The following CRYL1 variants were observed in gnomAD, a reference collection of about 807,000 sequenced individuals.
The protein encoded by CRYL1 is crystallin lambda 1.
A neutral mutation model predicts 36.6 loss-of-function variants in CRYL1; 29 were observed. That is an observed-to-expected ratio of 0.79 (90% confidence interval 0.59 to 1.08). The LOEUF is 1.08. Ranked by LOEUF, CRYL1 falls within the 50% of genes least tolerant of loss-of-function variation. The pLI is 0.00. For synonymous variants in CRYL1, 152 were observed against 151.5 expected (o/e 1.00, Z -0.02); for missense variants, 411 against 407.9 (o/e 1.01, Z -0.06).
In CRYL1 at chr13:20,415,175, G is replaced by A; in HGVS notation, c.634-1788C>T. ...AGGCTTGCGGGTAGAGCCTGTCTTT[G>A]CCCAGAAGGCCGTCTCCAAGCTGGG... On this transcript the variant is annotated intron_variant, in intron 5 of 7. Coordinates refer to ENST00000298248, the MANE Select transcript of CRYL1 (RefSeq NM_015974.3). The surrounding 1 kb of genome is among the most constrained non-coding windows in gnomAD (Gnocchi z 4.1). Among the ~76,000 whole-genome samples, 1 of 152,170 alleles carries A rather than the reference G, an allele frequency of 6.6e-6. No individual in the cohort carries two copies. The highest frequency in any genetic ancestry group is 1.9e-4 in the East Asian group (1 of 5,190).
chr13:20,404,962 T>G (rs1453809381), intron 6 of CRYL1, among the ~76,000 whole-genome samples: 1 of 151,664 alleles, frequency 6.6e-6, no homozygotes, highest in Non-Finnish European at 1.5e-5. Flanking sequence ...CTCCTGGGGG[T>G]TCGAATGCCA....
intron 5 of CRYL1, among the ~76,000 whole-genome samples, chr13:20,423,647 T>C (rs929118936): frequency 5.3e-5 from 8 of 151,924 alleles, no homozygotes; most frequent in African/African-American, 1.7e-4. Context: ...CATTTTAATG[T>C]GCTATTGAAT....
rs9315667 is a variant in CRYL1 at position 20,525,689 on chromosome 13, A to C, written c.41+65T>G. The C allele has an allele frequency of 0.2, 249,599 of 1,272,828 alleles. 26,500 individuals carry two copies. The highest frequency in any genetic ancestry group is 0.33 in the African/African-American group (21,175 of 64,144). The allele number at this position is 1,272,828 out of a possible 1,614,324, so 78.8% of individuals were successfully genotyped here. ...GCGCCCACCCCGAGGGCCCCACGCG[A>C]GGGCACCACGTCCCCGGCGTCTCCC... On this transcript the variant is annotated intron_variant, in intron 1 of 7. Transcript: ENST00000298248. The surrounding 1 kb of genome is among the most constrained non-coding windows in gnomAD (Gnocchi z 4.3).
At chr13:20,465,392 A>C (rs1230746712) in intron 3 of CRYL1, among the ~76,000 whole-genome samples, 4 of 152,214 alleles carry the variant, frequency 2.6e-5, no homozygotes, top group Non-Finnish European at 4.4e-5. Context: ...AACTTTAAGC[A>C]ATGAACCGAA....
chr13:20,525,726 G>A lies in CRYL1; in HGVS notation c.41+28C>T, dbSNP rs1197934610. 1 of 1,346,096 alleles carries A rather than the reference G, an allele frequency of 7.4e-7. No individual in the cohort carries two copies. Among genetic ancestry groups the A allele is most frequent in the Non-Finnish European group, 9.6e-7 (1 of 1,044,662 alleles). 83.4% of individuals were successfully genotyped at this position (1,346,096 alleles called of 1,614,324 possible). Reference sequence around the variant, plus strand: ...CCCCGGCGTCTCCCCGGGCTCCAGGGGCAGCAGCGCGGCTCGGAGCCCTTT... The same window carrying A: ...CCCCGGCGTCTCCCCGGGCTCCAGGAGCAGCAGCGCGGCTCGGAGCCCTTT... On this transcript the variant is annotated intron_variant, in intron 1 of 7. Transcript: ENST00000298248. The surrounding 1 kb of genome is among the most constrained non-coding windows in gnomAD (Gnocchi z 4.3).
At chr13:20,519,755 A>C (rs1177140328) in intron 1 of CRYL1, among the ~76,000 whole-genome samples, 1 of 152,214 alleles carries the variant, frequency 6.6e-6, no homozygotes, top group Admixed American at 6.5e-5. Flanking sequence ...AGATTGAAAG[A>C]GCTAAGAATC....
chr13:20,427,286 C>T, intron 5 of CRYL1: 4 of 985,426 alleles, frequency 4.1e-6, no homozygotes, highest in Non-Finnish European at 4.8e-6. Context: ...AGGGCTGCTT[C>T]ATCCCAAAAC....
At chr13:20,518,264 T>G (rs956543017) in intron 1 of CRYL1, among the ~76,000 whole-genome samples, 1 of 151,986 alleles carries the variant, frequency 6.6e-6, no homozygotes, top group East Asian at 1.9e-4. Context: ...GCAAAAGCAC[T>G]TGGGAGAAAG....
intron 5 of CRYL1, among the ~76,000 whole-genome samples, chr13:20,426,442 T>C (rs2031936630): frequency 6.6e-6 from 1 of 152,204 alleles, no homozygotes; most frequent in Non-Finnish European, 1.5e-5. Context: ...TCTTTTGGTA[T>C]AACCAGAGGT....
rs762500431 is a variant in CRYL1, at chr13:20,404,592, G to C, written c.846+43C>G. 3.0e-6 allele frequency: 4 copies of C among 1,328,002 alleles called. No homozygotes were observed. The South Asian group carries it at 4.8e-5, about 16-fold the overall frequency. 82.3% of individuals were successfully genotyped at this position (1,328,002 alleles called of 1,614,324 possible). The stretch of plus-strand genomic sequence containing the variant: ...TGAGGGGCAGCAAGTGCTCCAGGTA[G>C]CCAACATGCTTCTCTGCAGTGAGTT... On this transcript the variant is annotated intron_variant, in intron 7 of 7. Transcript: ENST00000298248.
chr13:20,457,086 C>T (rs796324811), intron 3 of CRYL1, among the ~76,000 whole-genome samples: 33 of 152,266 alleles, frequency 2.2e-4, no homozygotes, highest in African/African-American at 6.7e-4. Context: ...CCAGCTTACC[C>T]ACCTCAGCCC....
intron 3 of CRYL1, among the ~76,000 whole-genome samples, chr13:20,485,685 T>TAGAAA (rs11270599): frequency 0.2 from 30,163 of 148,982 alleles, 3,218 homozygotes; most frequent in Non-Finnish European, 0.24. Flanking sequence ...AAAAGAAAGA[T>TAGAAA]AGAAAAGAAA....
chr13:20,486,791 C>A (rs896538514), intron 3 of CRYL1, among the ~76,000 whole-genome samples: 12 of 152,136 alleles, frequency 7.9e-5, no homozygotes, highest in Admixed American at 6.5e-4. Flanking sequence ...CTAGTGCCAA[C>A]CATGTACAGA....
chr13:20,446,345 C>T (rs538018250), intron 3 of CRYL1, among the ~76,000 whole-genome samples: 1 of 152,316 alleles, frequency 6.6e-6, no homozygotes, highest in South Asian at 2.1e-4. Flanking sequence ...CTCCTGACCT[C>T]AGGTGATCCA....
intron 2 of CRYL1, among the ~76,000 whole-genome samples, chr13:20,512,127 G>T (rs537408412): frequency 3.9e-5 from 6 of 152,312 alleles, no homozygotes; most frequent in Admixed American, 6.5e-5. Context: ...AGTTCCTCCT[G>T]CCTAGATGGA....
chr13:20,408,022 C>T (rs1298962879), intron 6 of CRYL1, among the ~76,000 whole-genome samples: 1 of 152,228 alleles, frequency 6.6e-6, no homozygotes, highest in East Asian at 1.9e-4. Flanking sequence ...GGTTTTCTTT[C>T]ACGCAGCTAT....
rs773188497 is a variant in CRYL1 at position 20,481,474 on chromosome 13, A to G, written c.276+7896T>C. Among the ~76,000 whole-genome samples, 7 of 152,210 alleles carry G rather than the reference A, an allele frequency of 4.6e-5. No homozygotes were observed. The highest frequency in any genetic ancestry group is 8.8e-5 in the Non-Finnish European group (6 of 68,042). On this transcript the variant is annotated intron_variant, in intron 3 of 7. Coordinates refer to ENST00000298248, the MANE Select transcript of CRYL1 (RefSeq NM_015974.3). This position sits in a 1 kb window ranked among gnomAD's most constrained non-coding sequence, Gnocchi z 4.1. ...AGCTGCAAAGGGAAGGAGAGGCTCT[A>G]TGCTCTGAACCCCAGCTGTGACGCT...
At chr13:20,436,709 G>A (rs546879731) in intron 4 of CRYL1, among the ~76,000 whole-genome samples, 41 of 152,318 alleles carry the variant, frequency 2.7e-4, no homozygotes, top group African/African-American at 9.1e-4. Context: ...ACGTGGCCGT[G>A]CAACGAGGGT....
chr13:20,437,296 A>G (rs2032242493), intron 4 of CRYL1, among the ~76,000 whole-genome samples: 1 of 151,094 alleles, frequency 6.6e-6, no homozygotes, highest in Admixed American at 6.6e-5. Flanking sequence ...ATTTGTAACA[A>G]TAAGGAAGAT....
Sources: allele counts gnomAD v4.1 joint callset (sites outside exome capture counted in the v4.1 genomes callset), GRCh38; gene constraint gnomAD v4.1.1; non-coding constraint Gnocchi (gnomAD v3.1); transcripts MANE v1.5; gene names NCBI Gene and HGNC (gene_info 2026-07-23, HGNC 2026-07-21).